The following SYNCRIP variants were observed in gnomAD, a reference collection of about 807,000 sequenced individuals.
The protein encoded by SYNCRIP is synaptotagmin binding cytoplasmic RNA interacting protein.
In SYNCRIP, 9 loss-of-function variants were observed where a neutral mutation model predicts 68.9. That is an observed-to-expected ratio of 0.13 (90% CI 0.08 to 0.23). The LOEUF is 0.23. Among genes scored for constraint, SYNCRIP ranks in the 10% least tolerant of loss-of-function variants. SYNCRIP has a pLI of 1.00. For missense variants in SYNCRIP, 414 were observed against 770.6 expected (o/e 0.54, Z 5.48); for synonymous variants, 258 against 254.0 (o/e 1.02, Z -0.15).
At chr6:85,641,162 CAACT>C (rs1278932424) in intron 2 of SYNCRIP, 126 bp downstream of exon 2, 37 of 691,982 alleles carry the variant, frequency 5.3e-5, no homozygotes, top group Admixed American at 2.2e-4. Context: ...TTAAATTAAC[CAACT>C]ATCACAACAA....
At position 85,637,088 on chromosome 6, in the gene SYNCRIP, A is replaced by C. The variant is rs1808549883; in HGVS notation, c.545T>G (p.Phe182Cys). ...DLFEDELVPL[F>C]EKAGPIWDLR... ...ATCCCATATAGGTCCAGCTTTCTCAAATAATGGAACAAGTTCATCCTCAAA... is the reference window on the plus strand; with the variant it reads ...ATCCCATATAGGTCCAGCTTTCTCACATAATGGAACAAGTTCATCCTCAAA... The change falls in exon 6 of 11, where the codon TTT (phenylalanine) becomes TGT (cysteine). Residue 182 changes from phenylalanine (F) to cysteine (C), a missense_variant. Phe to Cys is a radical substitution (Grantham distance 205). Around this residue, in one of 6 missense-constraint regions of SYNCRIP, gnomAD observed 110 missense variants for 269.3 expected, o/e 0.41. Coordinates refer to ENST00000369622, the MANE Select transcript of SYNCRIP (RefSeq NM_006372.5). The C allele has an allele frequency of 3.1e-6, 5 of 1,614,000 alleles. No individual in the cohort carries two copies. Among genetic ancestry groups the C allele is most frequent in the Non-Finnish European group, 4.2e-6 (5 of 1,180,012 alleles).
At chr6:85,624,217 C>T in intron 6 of SYNCRIP, 105 bp from the exon 7 acceptor site, 1 of 1,111,936 alleles carries the variant, frequency 9.0e-7, no homozygotes, top group Admixed American at 2.3e-5. Flanking sequence ...AAGTAGTTTA[C>T]CTTAATTCCC....
chr6:85,639,291 T>C (rs1808855103), intron 4 of SYNCRIP, among the ~76,000 whole-genome samples: 1 of 151,994 alleles, frequency 6.6e-6, no homozygotes, highest in South Asian at 2.1e-4. Context: ...AAACTAAAAG[T>C]TTAAAAACTT....
At position 85,640,242 on chromosome 6, in the gene SYNCRIP, T is replaced by C; in HGVS notation, c.354A>G (p.Gly118=). ...ATACCTTAATTTTTGCCTCATCTGG[T>C]CCTTTACTAGAATCTGCTACTTTGG... ...QGTKVADSSK[G]PDEAKIKALL... is the part of the protein sequence containing the mutation. The change falls in exon 4 of 11, where the codon GGA becomes GGG. Residue 118 remains glycine (G), a synonymous_variant. Transcript: ENST00000369622. 1 of 1,613,604 alleles carries C rather than the reference T, an allele frequency of 6.2e-7. No individual in the cohort carries two copies. Among genetic ancestry groups the C allele is most frequent in the East Asian group, 2.2e-5 (1 of 44,808 alleles).
intron 4 of SYNCRIP, among the ~76,000 whole-genome samples, chr6:85,638,236 G>A (rs1025744864): frequency 2.6e-5 from 4 of 151,988 alleles, no homozygotes; most frequent in Non-Finnish European, 5.9e-5. Flanking sequence ...AGCCAGGCGT[G>A]GTGGCACGCG....
chr6:85,614,672 CA>C lies in SYNCRIP; in HGVS notation c.*83del, dbSNP rs1258587448. On this transcript the variant is annotated 3_prime_UTR_variant, in exon 11 of 11. Coordinates refer to ENST00000369622, the MANE Select transcript of SYNCRIP (RefSeq NM_006372.5). ...TAAAGGGAAATCTTGCCAGATGTCA[CA>C]AATTATAGCGGCACCCGTTCAGATT... The C allele has an allele frequency of 6.9e-7, 1 of 1,454,488 alleles. No individual in the cohort carries two copies. Among genetic ancestry groups the C allele is most frequent in the Non-Finnish European group, 9.1e-7 (1 of 1,102,652 alleles). 90.1% of individuals were successfully genotyped at this position (1,454,488 alleles called of 1,614,324 possible).
At chr6:85,631,579 GACTA>G (rs1210902484) in intron 6 of SYNCRIP, among the ~76,000 whole-genome samples, 1 of 152,186 alleles carries the variant, frequency 6.6e-6, no homozygotes, top group African/African-American at 2.4e-5. Flanking sequence ...TGGTACCTTA[GACTA>G]ACTAGGGTAG....
chr6:85,640,343 T>C lies in SYNCRIP; in HGVS notation c.268-15A>G. The stretch of plus-strand genomic sequence containing the variant: ...GCACTTTTGTTCTGCAAAAAAATGT[T>C]CCATTAATATTTAACAATAACCATA... On this transcript the variant is annotated splice_polypyrimidine_tract_variant and intron_variant, in intron 3 of 10. Transcript: ENST00000369622. 2 of 1,607,842 alleles carry C rather than the reference T, an allele frequency of 1.2e-6. No homozygotes were observed. Among genetic ancestry groups the C allele is most frequent in the Non-Finnish European group, 1.7e-6 (2 of 1,175,606 alleles).
intron 9 of SYNCRIP, 144 bp from the exon 10 acceptor site, chr6:85,619,083 C>T (rs898884332): frequency 1.7e-6 from 2 of 1,165,572 alleles, no homozygotes; most frequent in African/African-American, 1.6e-5. Flanking sequence ...TTTAAAGATG[C>T]AGATATTCAA....
intron 6 of SYNCRIP, among the ~76,000 whole-genome samples, chr6:85,631,014 A>T (rs1807709303): frequency 6.6e-6 from 1 of 152,126 alleles, no homozygotes; most frequent in Admixed American, 6.6e-5. Flanking sequence ...ACCCCTACGA[A>T]AGCAGAACAG....
At chr6:85,629,606 G>A (rs1014107878) in intron 6 of SYNCRIP, among the ~76,000 whole-genome samples, 10 of 150,486 alleles carry the variant, frequency 6.6e-5, no homozygotes, top group Non-Finnish European at 1.2e-4. Context: ...GGCGGATCAC[G>A]AGGTCAAGAA....
chr6:85,609,838 T>TATCC (rs1205209847), downstream of SYNCRIP: 1 of 151,914 alleles, frequency 6.6e-6, no homozygotes, highest in African/African-American at 2.4e-5. Context: ...GACTCGGATT[T>TATCC]AAGACCCTTT....
chr6:85,627,721 T>C (rs1430406009), intron 6 of SYNCRIP, among the ~76,000 whole-genome samples: 1 of 152,166 alleles, frequency 6.6e-6, no homozygotes, highest in Non-Finnish European at 1.5e-5. Flanking sequence ...TTTCCTACTC[T>C]AGAAAGGTTG....
At chr6:85,613,791 G>A (rs1805465744), downstream of SYNCRIP, among the ~76,000 whole-genome samples, 2 of 152,118 alleles carry the variant, frequency 1.3e-5, no homozygotes, top group Non-Finnish European at 2.9e-5. Flanking sequence ...TAGTCCCATG[G>A]TGTGCAAAAC....
chr6:85,618,324 T>G (rs2128281283), intron 10 of SYNCRIP, among the ~76,000 whole-genome samples: 2 of 151,894 alleles, frequency 1.3e-5, no homozygotes, highest in African/African-American at 4.8e-5. Context: ...GCGGATCACC[T>G]GAGGTCAGGA....
At chr6:85,622,371 G>A (rs552939400) in intron 8 of SYNCRIP, 111 bp downstream of exon 8, 499 of 1,051,272 alleles carry the variant, frequency 4.7e-4, no homozygotes, top group Admixed American at 6.9e-4. Flanking sequence ...AGAGACTCTT[G>A]TCTCAAAAAA....
chr6:85,625,286 G>C (rs1426770065), intron 6 of SYNCRIP, among the ~76,000 whole-genome samples: 1 of 151,808 alleles, frequency 6.6e-6, no homozygotes, highest in Non-Finnish European at 1.5e-5. Flanking sequence ...ATTTATGCCA[G>C]AGACACAACA....
At chr6:85,616,249 C>G (rs966444421) in intron 10 of SYNCRIP, among the ~76,000 whole-genome samples, 4 of 152,150 alleles carry the variant, frequency 2.6e-5, no homozygotes, top group Non-Finnish European at 5.9e-5. Context: ...GCCCAATAAT[C>G]CCATGAAATA....
downstream of SYNCRIP, among the ~76,000 whole-genome samples, chr6:85,613,568 A>C (rs1805439144): frequency 6.6e-6 from 1 of 152,238 alleles, no homozygotes; most frequent in Non-Finnish European, 1.5e-5. Flanking sequence ...ACAAGACTAA[A>C]ATGTGAAACA....
Sources: gnomAD v4.1 joint callset for allele counts (sites outside exome capture counted in the v4.1 genomes callset) on GRCh38, gnomAD v4.1.1 for gene constraint, gnomAD v4.1.1 regional missense constraint, MANE v1.5 for transcripts, NCBI Gene and HGNC (gene_info 2026-07-23, HGNC 2026-07-21) for gene names.